OSGEPL1: variants seen among roughly 807,000 people sequenced by gnomAD.
OSGEPL1 encodes tRNA N6-adenosine threonylcarbamoyltransferase, mitochondrial.
A neutral mutation model predicts 37.2 loss-of-function variants in OSGEPL1; 26 were observed. The observed-to-expected ratio is 0.70, with a 90% CI of 0.51 to 0.97. OSGEPL1 has a LOEUF of 0.97. OSGEPL1 is among the 50% of genes least tolerant of loss of function. The pLI, the probability that OSGEPL1 is intolerant of heterozygous loss-of-function variation, is 0.00. For missense variants in OSGEPL1, 404 were observed against 487.0 expected, an observed-to-expected ratio of 0.83 and a Z score of 1.60; for synonymous variants, 140 against 159.9, an observed-to-expected ratio of 0.88 and a Z score of 0.94.
intron 7 of OSGEPL1, among the ~76,000 whole-genome samples, chr2:189,752,104 A>C (rs1422872829): frequency 2.0e-5 from 3 of 151,852 alleles, no homozygotes; most frequent in Non-Finnish European, 4.4e-5. Context: ...AGAATGCGCC[A>C]CTGCACTCTA....
chr2:189,759,607 CA>C (rs2046674344), intron 2 of OSGEPL1, among the ~76,000 whole-genome samples: 1 of 152,136 alleles, frequency 6.6e-6, no homozygotes, highest in African/African-American at 2.4e-5. Flanking sequence ...AACTTGCCTA[CA>C]GTTACAGAGC....
chr2:189,763,097 TG>T, upstream of OSGEPL1: 2 of 985,150 alleles, frequency 2.0e-6, no homozygotes, highest in Non-Finnish European at 1.2e-6. Context: ...GAGAAAAGGA[TG>T]GGGTAGATTA....
chr2:189,754,606 T>C, intron 3 of OSGEPL1: 1 of 431,516 alleles, frequency 2.3e-6, no homozygotes, highest in Admixed American at 4.1e-5. Context: ...GGGCTTGAAG[T>C]TGACAATAAC....
At position 189,761,669 on chromosome 2, in the gene OSGEPL1, G is replaced by C. The variant is rs767166388; in HGVS notation, c.-20-9C>G. 1 of 1,496,132 alleles carries C rather than the reference G, an allele frequency of 6.7e-7. No homozygotes were observed. Among genetic ancestry groups the C allele is most frequent in the East Asian group, 2.4e-5 (1 of 42,108 alleles). The allele number at this position is 1,496,132 out of a possible 1,614,324, so 92.7% of individuals were successfully genotyped here. On this transcript the variant is annotated splice_polypyrimidine_tract_variant and intron_variant, in intron 1 of 8. Transcript: ENST00000264151. The stretch of plus-strand genomic sequence containing the variant: ...TACTCTATAGATAATTCCTGAAAAA[G>C]AATTACAGAAACAACTTATTATTTG...
At chr2:189,762,328 C>G (rs2047200477) in intron 1 of OSGEPL1, among the ~76,000 whole-genome samples, 1 of 152,280 alleles carries the variant, frequency 6.6e-6, no homozygotes, top group South Asian at 2.1e-4. Flanking sequence ...TTTATGCCCC[C>G]AGATCATCCG....
intron 2 of OSGEPL1, among the ~76,000 whole-genome samples, chr2:189,755,934 G>A (rs1391283931): frequency 2.6e-5 from 4 of 152,128 alleles, no homozygotes; most frequent in Non-Finnish European, 2.9e-5. Context: ...AGATTACTGC[G>A]AAAGTATTTG....
chr2:189,754,972 C>T (rs1244921106), intron 3 of OSGEPL1: 1 of 623,972 alleles, frequency 1.6e-6, no homozygotes, highest in Non-Finnish European at 2.6e-6. Flanking sequence ...ATATGAACCT[C>T]TTACCATTTT....
At chr2:189,761,242 T>TTA in intron 2 of OSGEPL1, 178 bp downstream of exon 2, 1 of 524,204 alleles carries the variant, frequency 1.9e-6, no homozygotes, top group Non-Finnish European at 3.2e-6. Context: ...TGGGACCTTA[T>TTA]TGTGAAGACC....
chr2:189,747,397 A>T (rs1475676095), intron 8 of OSGEPL1: 3 of 151,758 alleles, frequency 2.0e-5, no homozygotes, highest in Admixed American at 2.0e-4. Flanking sequence ...AAGAAAAATT[A>T]AAAAAGAAAA....
In OSGEPL1 at chr2:189,755,246, A is replaced by G; in HGVS notation, c.536T>C (p.Leu179Ser). ...LISGGHCLLALVQGVSDFLLL... is the reference protein window; with the variant it reads ...LISGGHCLLASVQGVSDFLLL... ...CAGAAAATCTGAAACTCCTTGAACT[A>G]ATGCCAACAGACAGTGACCTCCAGA... The change falls in exon 3 of 9, where the codon TTA (leucine) becomes TCA (serine). Residue 179 changes from leucine (L) to serine (S), a missense_variant. Coordinates refer to ENST00000264151, the MANE Select transcript of OSGEPL1 (RefSeq NM_022353.3). The G allele has an allele frequency of 6.2e-7, 1 of 1,613,532 alleles. No homozygotes were observed. The highest frequency in any genetic ancestry group is 8.5e-7 in the Non-Finnish European group (1 of 1,179,732).
intron 2 of OSGEPL1, among the ~76,000 whole-genome samples, chr2:189,759,976 C>A (rs1198638458): frequency 6.6e-6 from 1 of 152,090 alleles, no homozygotes; most frequent in Non-Finnish European, 1.5e-5. Context: ...GAGTATGCTG[C>A]CTTCAAGCAT....
At chr2:189,761,172 C>G in intron 2 of OSGEPL1, 1 of 318,304 alleles carries the variant, frequency 3.1e-6, no homozygotes, top group East Asian at 5.4e-5. Context: ...GAAGGAAAAT[C>G]AATAAATACG....
intron 2 of OSGEPL1, among the ~76,000 whole-genome samples, chr2:189,758,332 GATTGCACC>G (rs2046398453): frequency 6.6e-6 from 1 of 151,982 alleles, no homozygotes; most frequent in Non-Finnish European, 1.5e-5. Context: ...GATGAGCCAA[GATTGCACC>G]ATTGCACTCT....
chr2:189,755,053 TTTCAGTTTACTAAGATAAAA>T, intron 3 of OSGEPL1, 100 bp downstream of exon 3: 4 of 1,212,514 alleles, frequency 3.3e-6, no homozygotes, highest in Non-Finnish European at 4.5e-6. Context: ...TGTGAATTTT[TTTCAGTTTACTAAGATAAAA>T]TTCAGAAATA....
At chr2:189,754,091 G>T (rs1302920708) in intron 4 of OSGEPL1, 27 bp from the exon 5 acceptor site, 5 of 1,611,452 alleles carry the variant, frequency 3.1e-6, no homozygotes, top group Non-Finnish European at 4.2e-6. Context: ...CTATTTTTAG[G>T]CACAATCCAG....
upstream of OSGEPL1, chr2:189,763,166 T>G (rs1001856421): frequency 6.7e-5 from 66 of 985,104 alleles, 2 homozygotes; most frequent in Admixed American, 6.2e-5. Context: ...GTGAGGTACC[T>G]GATACTTTCA....
intron 7 of OSGEPL1, among the ~76,000 whole-genome samples, chr2:189,751,738 C>G (rs2105973988): frequency 6.6e-6 from 1 of 151,842 alleles, no homozygotes; most frequent in South Asian, 2.1e-4. Context: ...AGCCACCATG[C>G]CTGGCCAATG....
At chr2:189,747,489 A>T (rs1426248746) in intron 8 of OSGEPL1, among the ~76,000 whole-genome samples, 1 of 152,190 alleles carries the variant, frequency 6.6e-6, no homozygotes, top group Non-Finnish European at 1.5e-5. Flanking sequence ...GTACATGAGT[A>T]TGGCTTTTGT....
rs548882654 is a variant in OSGEPL1 at position 189,752,101 on chromosome 2, G to A, written c.1166+552C>T. Among the ~76,000 whole-genome samples the A allele has an allele frequency of 6.6e-5, 10 of 151,586 alleles. No individual in the cohort carries two copies. In the South Asian group the frequency reaches 1.5e-3, roughly 22 times the overall value. On this transcript the variant is annotated intron_variant, in intron 7 of 8. Transcript: ENST00000264151. ...AGAGGTTGCAGTGAGCCGAGAATGCGCCACTGCACTCTAGCCTGGGTGACA... is the reference window on the plus strand; with the variant it reads ...AGAGGTTGCAGTGAGCCGAGAATGCACCACTGCACTCTAGCCTGGGTGACA...
Sources: gnomAD v4.1 joint callset for allele counts (sites outside exome capture counted in the v4.1 genomes callset) on GRCh38, gnomAD v4.1.1 for gene constraint, MANE v1.5 for transcripts, NCBI Gene and HGNC (gene_info 2026-07-23, HGNC 2026-07-21) for gene names.